PPM1H: variants seen among roughly 807,000 people sequenced by gnomAD.
The protein encoded by PPM1H is protein phosphatase 1H.
A neutral mutation model predicts 54.9 loss-of-function variants in PPM1H; 27 were observed. The observed-to-expected ratio is 0.49, with a 90% CI of 0.36 to 0.68. The LOEUF is 0.68. Among genes scored for constraint, PPM1H ranks in the 30% least tolerant of loss-of-function variants. The pLI is 0.00. For synonymous variants in PPM1H, 305 were observed against 270.8 expected (o/e 1.13, Z -1.24); for missense variants, 596 against 667.8 (o/e 0.89, Z 1.19).
chr12:62,808,540 C>T (rs964383525), intron 2 of PPM1H, among the ~76,000 whole-genome samples: 7 of 152,074 alleles, frequency 4.6e-5, no homozygotes, highest in African/African-American at 1.7e-4. Context: ...GGCTCCTGTC[C>T]GTGAGCCTCC....
intron 1 of PPM1H, among the ~76,000 whole-genome samples, chr12:62,890,415 G>A (rs1034372504): frequency 6.6e-6 from 1 of 152,156 alleles, no homozygotes; most frequent in Non-Finnish European, 1.5e-5. Context: ...CAATGATCGT[G>A]CCAATTTTGT....
intron 1 of PPM1H, among the ~76,000 whole-genome samples, chr12:62,834,780 C>T (rs1868452339): frequency 6.6e-6 from 1 of 152,176 alleles, no homozygotes; most frequent in African/African-American, 2.4e-5. Context: ...TACATCTCTC[C>T]TCAGAGAACC....
At chr12:62,799,581 G>C (rs1004470900) in intron 3 of PPM1H, among the ~76,000 whole-genome samples, 4 of 152,324 alleles carry the variant, frequency 2.6e-5, no homozygotes, top group African/African-American at 9.6e-5. Context: ...TACAGAGGCA[G>C]AGAGTGAGAT....
intron 6 of PPM1H, among the ~76,000 whole-genome samples, chr12:62,712,497 C>T (rs911292610): frequency 6.6e-6 from 1 of 152,194 alleles, no homozygotes; most frequent in African/African-American, 2.4e-5. Context: ...TGTGGCATGA[C>T]GGCAACATCA....
At chr12:62,806,205 T>G (rs1169455316) in intron 2 of PPM1H, among the ~76,000 whole-genome samples, 4 of 151,850 alleles carry the variant, frequency 2.6e-5, no homozygotes, top group Non-Finnish European at 4.4e-5. Context: ...AGCCATTAAA[T>G]AAAATTTTTA....
rs2075783873 is a variant in PPM1H at position 62,646,187 on chromosome 12, A to G, written c.*2302T>C. ...CCTGGATGCCTTTCTAACTAAAACCAGCAGGACTAAGTGCTCAAGATTTTA... is the reference window on the plus strand; with the variant it reads ...CCTGGATGCCTTTCTAACTAAAACCGGCAGGACTAAGTGCTCAAGATTTTA... On this transcript the variant is annotated 3_prime_UTR_variant, in exon 10 of 10. Transcript: ENST00000228705. 1 of 152,250 alleles carries G rather than the reference A, an allele frequency of 6.6e-6. No individual in the cohort carries two copies. Among genetic ancestry groups the G allele is most frequent in the African/African-American group, 2.4e-5 (1 of 41,478 alleles). The allele number at this position is 152,250 out of a possible 1,614,324, so 9.4% of individuals were successfully genotyped here.
intron 4 of PPM1H, among the ~76,000 whole-genome samples, chr12:62,787,012 C>T (rs1412208715): frequency 2.0e-5 from 3 of 152,170 alleles, no homozygotes; most frequent in Non-Finnish European, 4.4e-5. Flanking sequence ...TCTTCAAGCC[C>T]CCAAAACCAC....
intron 4 of PPM1H, among the ~76,000 whole-genome samples, chr12:62,768,163 T>C (rs1351134317): frequency 4.6e-5 from 7 of 152,322 alleles, no homozygotes; most frequent in Middle Eastern, 3.4e-3. Context: ...CTGAGTCATG[T>C]AGCTATACCT....
At chr12:62,798,144 G>C (rs1443757924) in intron 3 of PPM1H, among the ~76,000 whole-genome samples, 2 of 152,204 alleles carry the variant, frequency 1.3e-5, no homozygotes, top group Non-Finnish European at 2.9e-5. Context: ...AGATCACAGA[G>C]ACAGTCTGTA....
intron 8 of PPM1H, among the ~76,000 whole-genome samples, chr12:62,681,003 C>T (rs940972881): frequency 1.3e-5 from 2 of 152,232 alleles, no homozygotes; most frequent in East Asian, 1.9e-4. Flanking sequence ...AAGACCCTCC[C>T]GCTCTGGGAT....
Position 62,648,512 on chromosome 12 carries a change from T to C in PPM1H, c.1522A>G (p.Ile508Val). The C allele has an allele frequency of 6.2e-7, 1 of 1,613,992 alleles. No homozygotes were observed. The highest frequency in any genetic ancestry group is 8.5e-7 in the Non-Finnish European group (1 of 1,179,892). ...TTTCATGACAGCTTGTTTCCATGTATTAAAGGAATGACATATACAGAAATG... is the reference window on the plus strand; with the variant it reads ...TTTCATGACAGCTTGTTTCCATGTACTAAAGGAATGACATATACAGAAATG... ...DDISVYVIPL[I>V]HGNKLS Residue 508 changes from isoleucine (I) to valine (V), a missense_variant, in exon 10 of 10, where the codon ATA (isoleucine) becomes GTA (valine). Physicochemically the swap from Ile to Val is conservative, Grantham distance 29. Around this residue, in one of 3 missense-constraint regions of PPM1H, gnomAD observed 208 missense variants for 259.5 expected, o/e 0.80. Coordinates refer to ENST00000228705, the MANE Select transcript of PPM1H (RefSeq NM_020700.2).
intron 4 of PPM1H, among the ~76,000 whole-genome samples, chr12:62,758,332 T>C (rs2076487622): frequency 6.6e-6 from 1 of 152,214 alleles, no homozygotes; most frequent in South Asian, 2.1e-4. Flanking sequence ...ACCTCACAGA[T>C]GCAAACTATC....
At chr12:62,760,926 A>G (rs1258206566) in intron 4 of PPM1H, among the ~76,000 whole-genome samples, 1 of 152,196 alleles carries the variant, frequency 6.6e-6, no homozygotes, top group Non-Finnish European at 1.5e-5. Flanking sequence ...GAAAAACCTT[A>G]AGTACTTGTG....
At chr12:62,651,331 C>T (rs1381065907) in intron 9 of PPM1H, among the ~76,000 whole-genome samples, 1 of 152,134 alleles carries the variant, frequency 6.6e-6, no homozygotes, top group Non-Finnish European at 1.5e-5. Flanking sequence ...GATACAGGAA[C>T]TCAAAACACA....
intron 7 of PPM1H, among the ~76,000 whole-genome samples, chr12:62,692,667 A>G (rs111559525): frequency 2.7e-3 from 416 of 152,316 alleles, no homozygotes; most frequent in African/African-American, 9.6e-3. Context: ...ATACTCATTA[A>G]TGGTGCCCAT....
At chr12:62,778,376 T>C (rs965823593) in intron 4 of PPM1H, among the ~76,000 whole-genome samples, 1 of 152,118 alleles carries the variant, frequency 6.6e-6, no homozygotes, top group Middle Eastern at 3.2e-3. Context: ...CATAACTGGG[T>C]TCTAGCCAAT....
intron 6 of PPM1H, among the ~76,000 whole-genome samples, chr12:62,709,909 A>G (rs1414183581): frequency 6.6e-6 from 1 of 151,956 alleles, no homozygotes; most frequent in African/African-American, 2.4e-5. Context: ...CATCTCTACT[A>G]AAAATACAAA....
At chr12:62,699,669 G>T (rs957416636) in intron 6 of PPM1H, among the ~76,000 whole-genome samples, 1 of 152,184 alleles carries the variant, frequency 6.6e-6, no homozygotes, top group Non-Finnish European at 1.5e-5. Context: ...GATGGACACT[G>T]TCCTCATGGA....
intron 1 of PPM1H, among the ~76,000 whole-genome samples, chr12:62,904,955 G>A (rs1022786901): frequency 6.6e-5 from 10 of 152,044 alleles, no homozygotes; most frequent in African/African-American, 2.4e-4. Flanking sequence ...CACGCCAGCA[G>A]CATTCACTCC....
Sources: gnomAD v4.1 joint callset for allele counts (sites outside exome capture counted in the v4.1 genomes callset) on GRCh38, gnomAD v4.1.1 for gene constraint, gnomAD v4.1.1 regional missense constraint, MANE v1.5 for transcripts, NCBI Gene and HGNC (gene_info 2026-07-23, HGNC 2026-07-21) for gene names.